SP2: variants seen among roughly 807,000 people sequenced by gnomAD.
SP2 encodes the protein transcription factor Sp2.
Under a neutral mutation model 50.1 loss-of-function variants are expected in SP2, and 9 were observed. The ratio of observed to expected loss-of-function variants is 0.18; its 90% CI spans 0.11 to 0.31. SP2 has a LOEUF of 0.31. SP2 is among the 10% of genes least tolerant of loss of function. The pLI, the probability that SP2 is intolerant of heterozygous loss-of-function variation, is 1.00. For synonymous variants in SP2, 313 were observed against 326.6 expected (o/e 0.96, Z 0.45); for missense variants, 581 against 806.5 (o/e 0.72, Z 3.39).
At chr17:47,919,687 A>G (rs1055187998) in intron 3 of SP2, among the ~76,000 whole-genome samples, 3 of 152,098 alleles carry the variant, frequency 2.0e-5, no homozygotes, top group Non-Finnish European at 4.4e-5. Context: ...AGTGAAACAC[A>G]CTGCTAATTC....
chr17:47,903,552 A>G (rs1012152085), intron 1 of SP2, among the ~76,000 whole-genome samples: 1 of 152,138 alleles, frequency 6.6e-6, no homozygotes, highest in African/African-American at 2.4e-5. Flanking sequence ...GTGTAATCCC[A>G]GCTACCTGGG....
intron 4 of SP2, among the ~76,000 whole-genome samples, chr17:47,923,827 G>A (rs111275166): frequency 7.8e-4 from 119 of 151,704 alleles, no homozygotes; most frequent in Non-Finnish European, 9.6e-4. Flanking sequence ...TCAGCCTCCC[G>A]AGTAGCTGGG....
chr17:47,920,414 C>G (rs2035404675), intron 3 of SP2, among the ~76,000 whole-genome samples: 1 of 151,834 alleles, frequency 6.6e-6, no homozygotes, highest in Non-Finnish European at 1.5e-5. Flanking sequence ...AGCCTCCCAA[C>G]TAGCTGAGAC....
chr17:47,905,384 CA>C (rs1320438093), intron 1 of SP2, among the ~76,000 whole-genome samples: 4 of 152,056 alleles, frequency 2.6e-5, no homozygotes, highest in East Asian at 1.9e-4. Context: ...GAAATTCCTC[CA>C]GGGGAAATAC....
intron 1 of SP2, chr17:47,899,128 C>A (rs763040219): frequency 6.6e-6 from 1 of 152,162 alleles, no homozygotes; most frequent in African/African-American, 2.4e-5. Flanking sequence ...AAAAAAAGTT[C>A]TTTCTCTTTA....
In SP2 at chr17:47,916,226, CTGCTGT is replaced by C. The variant is rs781352072; in HGVS notation, c.156_161del (p.Ala53_Val54del). On this transcript the variant is annotated inframe_deletion, in exon 3 of 7. Coordinates refer to ENST00000376741, the MANE Select transcript of SP2 (RefSeq NM_003110.6). This position sits in a 1 kb window ranked among gnomAD's most constrained non-coding sequence, Gnocchi z 4.7. ...AAAATTGGCCCTCCAGCAGTTGAAGCTGCTGTGACACCTCCTGCTCCCCCACAGCCC... is the reference window on the plus strand; with the variant it reads ...AAAATTGGCCCTCCAGCAGTTGAAGCGACACCTCCTGCTCCCCCACAGCCC... The C allele has an allele frequency of 6.2e-7, 1 of 1,614,108 alleles. No individual in the cohort carries two copies. The highest frequency in any genetic ancestry group is 1.7e-5 in the Admixed American group (1 of 60,018).
chr17:47,915,979 A>C (rs575691839), intron 2 of SP2, among the ~76,000 whole-genome samples, 177 bp from the exon 3 acceptor site: 60 of 152,194 alleles, frequency 3.9e-4, no homozygotes, highest in South Asian at 2.5e-3. Context: ...CACTTAATGG[A>C]GAAACCAGTA....
chr17:47,919,847 T>C (rs1001484490), intron 3 of SP2, among the ~76,000 whole-genome samples: 1 of 99,976 alleles, frequency 1.0e-5, no homozygotes, highest in East Asian at 2.5e-4. Context: ...TTTTTTTTTT[T>C]CTGTTTTTTT....
Position 47,925,047 on chromosome 17 carries a change from C to T in SP2, c.1501C>T (p.Arg501Cys). ...AGAGACCCAGCCCGGGGAGAAGCGG[C>T]GCCGCATGGCCTGCACGTGTCCCAA... ...AGETQPGEKR[R>C]RMACTCPNCK... Residue 501 changes from arginine to cysteine, a missense_variant, in exon 5 of 7, where the codon CGC becomes TGC. Transcript: ENST00000376741. 4.3e-6 allele frequency: 7 copies of T among 1,613,914 alleles called. No individual in the cohort carries two copies. The highest frequency in any genetic ancestry group is 5.9e-6 in the Non-Finnish European group (7 of 1,179,882).
intron 1 of SP2, among the ~76,000 whole-genome samples, chr17:47,910,340 T>C (rs2034934246): frequency 1.3e-5 from 2 of 152,210 alleles, no homozygotes; most frequent in Non-Finnish European, 2.9e-5. Context: ...GAAACTTTCA[T>C]TGCATGAGCA....
At chr17:47,914,109 G>A (rs923958656) in intron 1 of SP2, among the ~76,000 whole-genome samples, 1 of 152,124 alleles carries the variant, frequency 6.6e-6, no homozygotes, top group Non-Finnish European at 1.5e-5. Context: ...GGTGGCTCAC[G>A]CCTGTAATCC....
intron 1 of SP2, among the ~76,000 whole-genome samples, chr17:47,913,436 CT>C (rs2035068448): frequency 1.3e-5 from 2 of 152,026 alleles, no homozygotes; most frequent in South Asian, 4.1e-4. Context: ...CTGAAATCTG[CT>C]TTCCAGAGGT....
intron 4 of SP2, among the ~76,000 whole-genome samples, chr17:47,923,645 C>T (rs2035544522): frequency 6.6e-6 from 1 of 152,198 alleles, no homozygotes; most frequent in African/African-American, 2.4e-5. Context: ...GAGATTTATG[C>T]TGTGAAACCA....
intron 3 of SP2, among the ~76,000 whole-genome samples, chr17:47,921,142 T>C (rs2035440377): frequency 6.6e-6 from 1 of 152,242 alleles, no homozygotes; most frequent in Non-Finnish European, 1.5e-5. Context: ...CCATTTCTTC[T>C]CAGATTCCTG....
At chr17:47,912,576 C>A (rs2035035355) in intron 1 of SP2, among the ~76,000 whole-genome samples, 1 of 151,848 alleles carries the variant, frequency 6.6e-6, no homozygotes, top group East Asian at 1.9e-4. Context: ...TTCCAAGTAA[C>A]TGGGACCATA....
rs1314522703 is a variant in SP2 at position 47,916,325 on chromosome 17, G to A, written c.254G>A (p.Gly85Glu). The change falls in exon 3 of 7, where the codon GGA becomes GAA. Residue 85 changes from glycine to glutamate, a missense_variant. Physicochemically the swap from Gly to Glu is moderately conservative, Grantham distance 98. Transcript: ENST00000376741. This position sits in a 1 kb window ranked among gnomAD's most constrained non-coding sequence, Gnocchi z 4.7. ...CTCAGCCCCGGCAAGAATAGCTTTG[G>A]AATCTTGTCCTCCAAAGGAAATATA... ...LPLSPGKNSFGILSSKGNILQ... is the reference protein window; with the variant it reads ...LPLSPGKNSFEILSSKGNILQ... 1 of 1,613,950 alleles carries A rather than the reference G, an allele frequency of 6.2e-7. No homozygotes were observed. Among genetic ancestry groups the A allele is most frequent in the East Asian group, 2.2e-5 (1 of 44,894 alleles).
chr17:47,917,305 G>A (rs2035252479), intron 3 of SP2, among the ~76,000 whole-genome samples, 175 bp downstream of exon 3: 1 of 152,174 alleles, frequency 6.6e-6, no homozygotes, highest in Admixed American at 6.5e-5. Flanking sequence ...TTAGTTCATA[G>A]GGCCAAGTAC....
At chr17:47,902,318 T>C (rs1363714759) in intron 1 of SP2, among the ~76,000 whole-genome samples, 1 of 152,162 alleles carries the variant, frequency 6.6e-6, no homozygotes, top group Non-Finnish European at 1.5e-5. Context: ...CAGGGGCCTT[T>C]TGTGTCACAA....
chr17:47,901,068 G>C (rs1198232533), intron 1 of SP2, among the ~76,000 whole-genome samples: 1 of 151,922 alleles, frequency 6.6e-6, no homozygotes, highest in African/African-American at 2.4e-5. Flanking sequence ...ATGCAAACTA[G>C]CAAATGACAG....
Sources: gnomAD v4.1 joint callset for allele counts (sites outside exome capture counted in the v4.1 genomes callset) on GRCh38, gnomAD v4.1.1 for gene constraint, Gnocchi (gnomAD v3.1) non-coding constraint, MANE v1.5 for transcripts, NCBI Gene and HGNC (gene_info 2026-07-23, HGNC 2026-07-21) for gene names.